PPP5C: variants seen among roughly 807,000 people sequenced by gnomAD.
The protein encoded by PPP5C is serine/threonine-protein phosphatase 5.
Under a neutral mutation model 66.7 loss-of-function variants are expected in PPP5C, and 21 were observed. The ratio of observed to expected loss-of-function variants is 0.31; its 90% CI spans 0.22 to 0.45. PPP5C has a LOEUF of 0.45. Among genes scored for constraint, PPP5C ranks in the 20% least tolerant of loss-of-function variants. PPP5C has a pLI of 1.00. For synonymous variants in PPP5C, 246 were observed against 257.4 expected, an observed-to-expected ratio of 0.96 and a Z score of 0.43; for missense variants, 464 against 675.9, an observed-to-expected ratio of 0.69 and a Z score of 3.48.
intron 7 of PPP5C, among the ~76,000 whole-genome samples, chr19:46,385,323 G>A (rs970703504): frequency 6.6e-6 from 1 of 152,128 alleles, no homozygotes; most frequent in Non-Finnish European, 1.5e-5. Flanking sequence ...TTCAGGCTTG[G>A]TGTCAGATTT....
intron 1 of PPP5C, among the ~76,000 whole-genome samples, chr19:46,351,865 G>T (rs377616724): frequency 4.6e-5 from 7 of 152,246 alleles, no homozygotes; most frequent in Non-Finnish European, 7.3e-5. Context: ...GGGCAGCCCA[G>T]TCGGGGGCCT....
At chr19:46,378,633 T>C (rs1008418569) in intron 4 of PPP5C, among the ~76,000 whole-genome samples, 1 of 152,234 alleles carries the variant, frequency 6.6e-6, no homozygotes, top group African/African-American at 2.4e-5. Context: ...GAAATTTTTA[T>C]TAGGCACACA....
At chr19:46,389,711 A>G (rs1387851667) in intron 11 of PPP5C, among the ~76,000 whole-genome samples, 1 of 151,672 alleles carries the variant, frequency 6.6e-6, no homozygotes, top group Non-Finnish European at 1.5e-5. Flanking sequence ...GCCGTGTGAC[A>G]TGTTCCTCTG....
chr19:46,376,503 A>G lies in PPP5C; in HGVS notation c.562A>G (p.Ile188Val), dbSNP rs756665798. Residue 188 changes from isoleucine (I) to valine (V), a missense_variant, in exon 4 of 13, where the codon ATC (isoleucine) becomes GTC (valine). Around this residue, in one of 2 missense-constraint regions of PPP5C, gnomAD observed 387 missense variants for 626.0 expected, o/e 0.62. Coordinates refer to ENST00000012443, the MANE Select transcript of PPP5C (RefSeq NM_006247.4). The surrounding 1 kb of genome is among the most constrained non-coding windows in gnomAD (Gnocchi z 5.1). Reference protein sequence around the residue: ...GPKLEDGKVTISFMKELMQWY... With the variant: ...GPKLEDGKVTVSFMKELMQWY... ...CAAGCTTGAAGACGGCAAAGTGACA[A>G]TCAGTTTCATGAAGGAGCTCATGCA... The G allele has an allele frequency of 2.5e-6, 4 of 1,613,894 alleles. No homozygotes were observed. The highest frequency in any genetic ancestry group is 1.6e-4 in the Middle Eastern group (1 of 6,062).
Position 46,387,424 on chromosome 19 carries a change from T to C in PPP5C, c.1106T>C (p.Ile369Thr), listed in dbSNP as rs1178038759. The change falls in exon 9 of 13, where the codon ATT (isoleucine) becomes ACT (threonine). Residue 369 changes from isoleucine (I) to threonine (T), a missense_variant. Transcript: ENST00000012443. Reference protein sequence around the residue: ...DGVTLDDIRKIERNRQPPDSG... With the variant: ...DGVTLDDIRKTERNRQPPDSG... Reference sequence around the variant, plus strand: ...GTCACCCTGGATGACATCCGGAAAATTGAGCGGAATCGACAACCCCCAGAT... The same window carrying C: ...GTCACCCTGGATGACATCCGGAAAACTGAGCGGAATCGACAACCCCCAGAT... 7 of 1,613,112 alleles carry C rather than the reference T, an allele frequency of 4.3e-6. No individual in the cohort carries two copies. Among genetic ancestry groups the C allele is most frequent in the African/African-American group, 2.7e-5 (2 of 74,856 alleles).
intron 4 of PPP5C, among the ~76,000 whole-genome samples, chr19:46,378,889 C>CTT (rs34623480): frequency 1.6e-3 from 231 of 148,482 alleles, no homozygotes; most frequent in African/African-American, 4.8e-3. Context: ...CAATCTTTAC[C>CTT]TTTTTTTTTT....
At chr19:46,370,178 A>G (rs1208498151) in intron 2 of PPP5C, among the ~76,000 whole-genome samples, 2 of 152,284 alleles carry the variant, frequency 1.3e-5, no homozygotes, top group East Asian at 3.9e-4. Context: ...TACTTTATAA[A>G]CTTTTTAATT....
At chr19:46,361,576 C>T (rs1237356604) in intron 2 of PPP5C, among the ~76,000 whole-genome samples, 1 of 132,284 alleles carries the variant, frequency 7.6e-6, no homozygotes, top group Non-Finnish European at 1.6e-5. Context: ...GAAACCCTGT[C>T]TCTACTAAAA....
Position 46,390,615 on chromosome 19 carries a change from T to A in PPP5C, c.*269T>A. The A allele has an allele frequency of 2.3e-6, 3 of 1,328,986 alleles. No individual in the cohort carries two copies. The highest frequency in any genetic ancestry group is 2.9e-6 in the Non-Finnish European group (3 of 1,032,708). The allele number at this position is 1,328,986 out of a possible 1,614,324, so 82.3% of individuals were successfully genotyped here. On this transcript the variant is annotated 3_prime_UTR_variant, in exon 13 of 13. Transcript: ENST00000012443. Reference sequence around the variant, plus strand: ...TGGGCATTCTGTGGGGAGGCCGTCCTCGGGGTGGGGTGGGGCCGAGTGGCT... The same window carrying A: ...TGGGCATTCTGTGGGGAGGCCGTCCACGGGGTGGGGTGGGGCCGAGTGGCT...
At chr19:46,371,363 T>G (rs899341741) in intron 2 of PPP5C, among the ~76,000 whole-genome samples, 1 of 152,222 alleles carries the variant, frequency 6.6e-6, no homozygotes, top group Non-Finnish European at 1.5e-5. Flanking sequence ...GTAACAGGAA[T>G]AGTCACAACC....
intron 4 of PPP5C, among the ~76,000 whole-genome samples, chr19:46,377,599 C>A (rs975651003): frequency 6.6e-6 from 1 of 152,254 alleles, no homozygotes; most frequent in Non-Finnish European, 1.5e-5. Flanking sequence ...ACTGCCCAAA[C>A]AAGTTACAGA....
chr19:46,367,161 A>T (rs1357428808), intron 2 of PPP5C, among the ~76,000 whole-genome samples: 2 of 152,228 alleles, frequency 1.3e-5, no homozygotes, highest in Non-Finnish European at 1.5e-5. Context: ...ACCCACTCCC[A>T]TCCGGCCCTT....
At chr19:46,384,405 G>T (rs536348813) in intron 6 of PPP5C, 1 of 255,232 alleles carries the variant, frequency 3.9e-6, no homozygotes, top group South Asian at 5.9e-5. Context: ...CTCGATGAAC[G>T]GCCACTTGTA....
At chr19:46,356,051 C>T (rs1470525672) in intron 2 of PPP5C, among the ~76,000 whole-genome samples, 1 of 152,092 alleles carries the variant, frequency 6.6e-6, no homozygotes, top group African/African-American at 2.4e-5. Flanking sequence ...CCCGCATACT[C>T]CCAACCCCGC....
At chr19:46,355,205 C>T (rs1003917794) in intron 2 of PPP5C, among the ~76,000 whole-genome samples, 3 of 152,360 alleles carry the variant, frequency 2.0e-5, no homozygotes, top group Non-Finnish European at 2.9e-5. Flanking sequence ...CGGGGCCGTG[C>T]GCTTGTCCTG....
chr19:46,372,838 A>G (rs979659480), intron 2 of PPP5C, among the ~76,000 whole-genome samples: 1 of 152,218 alleles, frequency 6.6e-6, no homozygotes, highest in African/African-American at 2.4e-5. Context: ...TTCAGTGTGA[A>G]GTTCTGACCC....
chr19:46,375,903 C>T, intron 3 of PPP5C, 152 bp downstream of exon 3: 1 of 1,329,766 alleles, frequency 7.5e-7, no homozygotes, highest in Non-Finnish European at 1.0e-6. Flanking sequence ...CCAGGGCGCT[C>T]CATCCACAGC....
chr19:46,370,508 G>A (rs891870504), intron 2 of PPP5C, among the ~76,000 whole-genome samples: 2 of 152,164 alleles, frequency 1.3e-5, no homozygotes, highest in Non-Finnish European at 2.9e-5. Flanking sequence ...AAGGACCTGC[G>A]TGAGGCCCTT....
intron 4 of PPP5C, among the ~76,000 whole-genome samples, chr19:46,377,187 G>A (rs1601436254): frequency 6.6e-6 from 1 of 152,206 alleles, no homozygotes; most frequent in Non-Finnish European, 1.5e-5. Flanking sequence ...TTACAGGAGT[G>A]TGCAGGCAAT....
Sources: allele counts gnomAD v4.1 joint callset (sites outside exome capture counted in the v4.1 genomes callset), GRCh38; gene constraint gnomAD v4.1.1; regional missense constraint gnomAD v4.1.1; non-coding constraint Gnocchi (gnomAD v3.1); transcripts MANE v1.5; gene names NCBI Gene and HGNC (gene_info 2026-07-23, HGNC 2026-07-21).